SATB2: variants seen among roughly 807,000 people sequenced by gnomAD.
SATB2 encodes SATB homeobox 2.
Under a neutral mutation model 73.4 loss-of-function variants are expected in SATB2, and 1 was observed. The ratio of observed to expected loss-of-function variants is 0.01; its 90% CI spans 0.00 to 0.06. The LOEUF is 0.06. SATB2 is among the 10% of genes least tolerant of loss of function. The pLI, the probability that SATB2 is intolerant of heterozygous loss-of-function variation, is 1.00. For missense variants in SATB2, 459 were observed against 945.8 expected (o/e 0.49, Z 6.75); for synonymous variants, 397 against 367.0 (o/e 1.08, Z -0.93).
chr2:199,412,599 G>A (rs1404835245), intron 3 of SATB2, among the ~76,000 whole-genome samples: 6 of 152,110 alleles, frequency 3.9e-5, no homozygotes, highest in African/African-American at 1.2e-4. Flanking sequence ...CCCCAACTAG[G>A]TAATAAGTCC....
chr2:199,410,169 A>G (rs1690769131), intron 3 of SATB2, among the ~76,000 whole-genome samples: 1 of 152,226 alleles, frequency 6.6e-6, no homozygotes, highest in African/African-American at 2.4e-5. Context: ...TTAAAGGAAT[A>G]TCGGGCACAG....
chr2:199,370,104 C>T (rs1214327514), intron 5 of SATB2, among the ~76,000 whole-genome samples: 3 of 152,170 alleles, frequency 2.0e-5, no homozygotes, highest in African/African-American at 7.2e-5. Context: ...GAATCCTAAT[C>T]TCCTGGAGAC....
rs73984025 is a variant in SATB2, at chr2:199,297,288, G to A, written c.1740+11472C>T. On this transcript the variant is annotated intron_variant, in intron 10 of 10. Coordinates refer to ENST00000417098, the MANE Select transcript of SATB2 (RefSeq NM_001172509.2). ...ATGTTTTACTTTTTTGTTTTTGTTTGGTTTGAGTAAATTAGAGCTCATCCT... is the reference window on the plus strand; with the variant it reads ...ATGTTTTACTTTTTTGTTTTTGTTTAGTTTGAGTAAATTAGAGCTCATCCT... Among the ~76,000 whole-genome samples the A allele has an allele frequency of 2.3e-3, 346 of 152,176 alleles. 4 individuals carry two copies. Among genetic ancestry groups the A allele is most frequent in the African/African-American group, 7.9e-3 (327 of 41,528 alleles).
At chr2:199,377,652 T>A (rs984411818) in intron 5 of SATB2, among the ~76,000 whole-genome samples, 2 of 152,144 alleles carry the variant, frequency 1.3e-5, no homozygotes, top group Non-Finnish European at 2.9e-5. Flanking sequence ...ATCTTGATGG[T>A]CTTTATGATA....
intron 7 of SATB2, among the ~76,000 whole-genome samples, chr2:199,335,708 A>T (rs1327389580): frequency 1.3e-5 from 2 of 152,222 alleles, no homozygotes; most frequent in African/African-American, 2.4e-5. Flanking sequence ...TATTGAAAAC[A>T]TGACTCACAT....
chr2:199,391,513 G>A (rs1690140566), intron 3 of SATB2, among the ~76,000 whole-genome samples: 1 of 151,742 alleles, frequency 6.6e-6, no homozygotes, highest in South Asian at 2.1e-4. Flanking sequence ...TACACATCAG[G>A]GACATTTTCA....
rs1689893094 is a variant in SATB2 at position 199,385,176 on chromosome 2, C to CCAAGCTGAAGTGTACTGGTGAGATCT, written c.347-3382_347-3357dup. On this transcript the variant is annotated intron_variant, in intron 3 of 10. Transcript: ENST00000417098. ...CTGACACAGGGTCTGGCTCTGTCAC[C>CCAAGCTGAAGTGTACTGGTGAGATCT]CAAGCTGAAGTGTACTGGTGAGATC... 3.3e-5 allele frequency among the ~76,000 whole-genome samples: 5 copies of CCAAGCTGAAGTGTACTGGTGAGATCT among 152,126 alleles called. No homozygotes were observed. The South Asian group carries it at 8.3e-4, about 25-fold the overall frequency.
intron 10 of SATB2, among the ~76,000 whole-genome samples, chr2:199,280,002 G>A (rs1239454825): frequency 6.6e-6 from 1 of 152,136 alleles, no homozygotes; most frequent in African/African-American, 2.4e-5. Flanking sequence ...TTAGCCAGGC[G>A]TGGTGGCACG....
chr2:199,379,608 C>T (rs577797074), intron 5 of SATB2, among the ~76,000 whole-genome samples: 2 of 151,982 alleles, frequency 1.3e-5, no homozygotes, highest in East Asian at 3.9e-4. Flanking sequence ...AATGGAGACA[C>T]TGGTCCCTAT....
intron 3 of SATB2, among the ~76,000 whole-genome samples, chr2:199,413,078 T>C (rs771027827): frequency 5.9e-5 from 9 of 152,228 alleles, no homozygotes; most frequent in Non-Finnish European, 8.8e-5. Context: ...ACATGAAATA[T>C]GTTTGCTAGT....
At chr2:199,311,979 T>C (rs892762250) in intron 9 of SATB2, among the ~76,000 whole-genome samples, 2 of 152,198 alleles carry the variant, frequency 1.3e-5, no homozygotes, top group African/African-American at 2.4e-5. Context: ...GGTCCCCATA[T>C]TGGGATTTTT....
chr2:199,289,972 C>T (rs967101680), intron 10 of SATB2, among the ~76,000 whole-genome samples: 7 of 152,246 alleles, frequency 4.6e-5, no homozygotes, highest in Admixed American at 1.3e-4. Flanking sequence ...GCCAACCGAA[C>T]ATCTTGCTAA....
At chr2:199,346,046 T>A (rs1468545273) in intron 7 of SATB2, among the ~76,000 whole-genome samples, 1 of 152,184 alleles carries the variant, frequency 6.6e-6, no homozygotes, top group Admixed American at 6.5e-5. Flanking sequence ...AAGAGTAGTT[T>A]TTCCCATAAA....
At chr2:199,392,715 T>C (rs913274713) in intron 3 of SATB2, among the ~76,000 whole-genome samples, 8 of 152,146 alleles carry the variant, frequency 5.3e-5, no homozygotes, top group Admixed American at 4.6e-4. Context: ...GGCCCCTATT[T>C]TCTCTTCTAT....
upstream of SATB2, among the ~76,000 whole-genome samples, chr2:199,467,216 C>G (rs113722687): frequency 8.5e-5 from 13 of 152,338 alleles, 3 homozygotes; most frequent in East Asian, 5.8e-4. Flanking sequence ...TCTTGTTGGC[C>G]GGTGGCTAAG....
At chr2:199,434,024 C>T (rs560562386) in intron 2 of SATB2, among the ~76,000 whole-genome samples, 2 of 152,034 alleles carry the variant, frequency 1.3e-5, no homozygotes, top group South Asian at 4.2e-4. Context: ...CCAGCTCCTT[C>T]CTACTAAGGT....
chr2:199,316,114 G>A (rs1687728646), intron 9 of SATB2, among the ~76,000 whole-genome samples: 1 of 152,198 alleles, frequency 6.6e-6, no homozygotes, highest in Non-Finnish European at 1.5e-5. Flanking sequence ...TTTCTAAATG[G>A]AAGCACATAA....
intron 10 of SATB2, among the ~76,000 whole-genome samples, chr2:199,274,515 AAGT>A (rs956925973): frequency 2.0e-5 from 3 of 152,230 alleles, no homozygotes; most frequent in Non-Finnish European, 4.4e-5. Flanking sequence ...TAAACAAAAG[AAGT>A]TTAAATTTTT....
At chr2:199,447,218 C>T (rs1297339052) in intron 2 of SATB2, among the ~76,000 whole-genome samples, 1 of 152,150 alleles carries the variant, frequency 6.6e-6, no homozygotes, top group Non-Finnish European at 1.5e-5. Flanking sequence ...GCGGTTCATT[C>T]GGAGTTGCTG....
Sources: gnomAD v4.1 joint callset for allele counts (sites outside exome capture counted in the v4.1 genomes callset) on GRCh38, gnomAD v4.1.1 for gene constraint, MANE v1.5 for transcripts, NCBI Gene and HGNC (gene_info 2026-07-23, HGNC 2026-07-21) for gene names.